Variants in VASN observed in about 807,000 individuals in gnomAD.
VASN encodes the protein vasorin, also known as protein slit-like 2.
VASN carries 5 observed loss-of-function variants against 4.8 expected under a neutral mutation model. That is an observed-to-expected ratio of 1.03 (90% CI 0.54 to 2.17). VASN has a LOEUF of 2.17. Ranked by LOEUF, VASN falls within the 30% of genes most tolerant of loss-of-function variation. VASN has a pLI of 0.01. For synonymous variants in VASN, 499 were observed against 460.8 expected, an observed-to-expected ratio of 1.08 and a Z score of -1.06; for missense variants, 927 against 948.8, an observed-to-expected ratio of 0.98 and a Z score of 0.30.
Position 4,381,801 on chromosome 16 carries a change from G to C in VASN, c.924G>C (p.Trp308Cys). ...NPFNCVCPLS[W>C]FGPWVRESHV... ...TCAACTGCGTGTGCCCCCTGAGCTG[G>C]TTTGGCCCCTGGGTGCGCGAGAGCC... Residue 308 changes from tryptophan to cysteine, a missense_variant, in exon 2 of 2, where the codon TGG (tryptophan) becomes TGC (cysteine). Transcript: ENST00000304735. 6.2e-7 allele frequency: 1 copy of C among 1,600,488 alleles called. No homozygotes were observed. Among genetic ancestry groups the C allele is most frequent in the Non-Finnish European group, 8.5e-7 (1 of 1,179,432 alleles).
chr16:4,380,484 T>C (rs1183750007), intron 1 of VASN, among the ~76,000 whole-genome samples: 1 of 152,196 alleles, frequency 6.6e-6, no homozygotes, highest in Non-Finnish European at 1.5e-5. Flanking sequence ...TGCCCCCTCT[T>C]CCAGACCCTG....
rs1372552592 is a variant in VASN at position 4,381,470 on chromosome 16, G to A, written c.593G>A (p.Arg198Gln). The A allele has an allele frequency of 7.6e-6, 12 of 1,581,896 alleles. No homozygotes were observed. Among genetic ancestry groups the A allele is most frequent in the Non-Finnish European group, 9.4e-6 (11 of 1,165,850 alleles). Reference sequence around the variant, plus strand: ...GACACTGCCAACGTGGAGGCGCTGCGGCTGGCTGGTCTGGGGCTGCAGCAG... The same window carrying A: ...GACACTGCCAACGTGGAGGCGCTGCAGCTGGCTGGTCTGGGGCTGCAGCAG... The part of the protein sequence containing the change: ...ILDTANVEAL[R>Q]LAGLGLQQLD... Residue 198 changes from arginine to glutamine, a missense_variant, in exon 2 of 2, where the codon CGG becomes CAG. Physicochemically the swap from Arg to Gln is conservative, Grantham distance 43. Coordinates refer to ENST00000304735, the MANE Select transcript of VASN (RefSeq NM_138440.3).
intron 1 of VASN, among the ~76,000 whole-genome samples, chr16:4,378,157 G>C (rs1177160550): frequency 6.6e-6 from 1 of 152,180 alleles, no homozygotes; most frequent in Non-Finnish European, 1.5e-5. Context: ...GACTCCACAT[G>C]CATCCCCCAC....
intron 1 of VASN, among the ~76,000 whole-genome samples, chr16:4,376,953 G>A (rs751181818): frequency 1.3e-5 from 2 of 152,166 alleles, no homozygotes; most frequent in African/African-American, 4.8e-5. Context: ...TATGAGTGAC[G>A]CCCTCCGCAG....
rs752822890 is a variant in VASN, at chr16:4,381,337, A to C, written c.460A>C (p.Lys154Gln). The change falls in exon 2 of 2, where the codon AAG becomes CAG. Residue 154 changes from lysine to glutamine, a missense_variant. By Grantham distance (53) the Lys-to-Gln change is moderately conservative. Coordinates refer to ENST00000304735, the MANE Select transcript of VASN (RefSeq NM_138440.3). ...CACGCTCGACCGCCTCCTGGAGCTC[A>C]AGCTGCAGGACAACGAGCTGCGGGC... ...FDTLDRLLEL[K>Q]LQDNELRALP... The C allele has an allele frequency of 1.2e-6, 2 of 1,609,060 alleles. No homozygotes were observed. The highest frequency in any genetic ancestry group is 2.2e-5 in the South Asian group (2 of 90,574).
At position 4,380,369 on chromosome 16, in the gene VASN, G is replaced by A. The variant is rs529872614; in HGVS notation, c.-9-500G>A. Reference sequence around the variant, plus strand: ...CATAGTTTCCATGTGAAGTCTTCCCGCTGCATTCCCTCCTCCAAGGAGGGC... The same window carrying A: ...CATAGTTTCCATGTGAAGTCTTCCCACTGCATTCCCTCCTCCAAGGAGGGC... On this transcript the variant is annotated intron_variant, in intron 1 of 1. Transcript: ENST00000304735. Among the ~76,000 whole-genome samples the A allele has an allele frequency of 5.9e-5, 9 of 152,344 alleles. No homozygotes were observed. In the South Asian group the frequency reaches 1.0e-3, roughly 18 times the overall value.
At position 4,376,286 on chromosome 16, in the gene VASN, C is replaced by T. The variant is rs541522593; in HGVS notation, c.-10+4293C>T. On this transcript the variant is annotated intron_variant, in intron 1 of 1. Transcript: ENST00000304735. ...ACACGTCAGCGAAACTGGAGCCAGC[C>T]GTCCTGGCCGCCGGCACAGTCCCGC... Among the ~76,000 whole-genome samples, 20 of 152,324 alleles carry T rather than the reference C, an allele frequency of 1.3e-4. 1 individual carries two copies. In the South Asian group the frequency reaches 3.5e-3, roughly 27 times the overall value.
In VASN at chr16:4,381,631, A is replaced by G. The variant is rs756841320; in HGVS notation, c.754A>G (p.Ile252Val). 2.5e-6 allele frequency: 4 copies of G among 1,600,206 alleles called. No individual in the cohort carries two copies. The highest frequency in any genetic ancestry group is 2.6e-6 in the Non-Finnish European group (3 of 1,174,106). ...TRLRLAGNTR[I>V]AQLRPEDLAG... ...CCTGCGGCTGGCCGGCAACACCCGC[A>G]TTGCCCAGCTGCGGCCCGAGGACCT... The change falls in exon 2 of 2, where the codon ATT (isoleucine) becomes GTT (valine). Residue 252 changes from isoleucine (I) to valine (V), a missense_variant. Physicochemically the swap from Ile to Val is conservative, Grantham distance 29. Transcript: ENST00000304735.
chr16:4,382,205 G>C lies in VASN; in HGVS notation c.1328G>C (p.Ser443Thr), dbSNP rs749124921. 1 of 1,603,034 alleles carries C rather than the reference G, an allele frequency of 6.2e-7. No homozygotes were observed. Among genetic ancestry groups the C allele is most frequent in the South Asian group, 1.1e-5 (1 of 89,744 alleles). The change falls in exon 2 of 2, where the codon AGC becomes ACC. Residue 443 changes from serine (S) to threonine (T), a missense_variant. Physicochemically the swap from Ser to Thr is moderately conservative, Grantham distance 58. Transcript: ENST00000304735. ...GGCTTCACGGGCCTGTACTGTGAGA[G>C]CCAGATGGGGCAGGGGACACGGCCC... The part of the protein sequence containing the change: ...PEGFTGLYCE[S>T]QMGQGTRPSP...
intron 1 of VASN, 121 bp from the exon 2 acceptor site, chr16:4,380,748 C>A: frequency 8.7e-7 from 1 of 1,152,854 alleles, no homozygotes; most frequent in Non-Finnish European, 1.2e-6. Context: ...TGACTCATAA[C>A]CATTGGGTTC....
intron 1 of VASN, among the ~76,000 whole-genome samples, chr16:4,377,099 C>T (rs1474793159): frequency 6.6e-6 from 1 of 152,180 alleles, no homozygotes; most frequent in Admixed American, 6.5e-5. Flanking sequence ...GCTGTGGACC[C>T]TGTCGCCCTA....
At chr16:4,376,269 G>T (rs2054726845) in intron 1 of VASN, among the ~76,000 whole-genome samples, 1 of 152,222 alleles carries the variant, frequency 6.6e-6, no homozygotes, top group African/African-American at 2.4e-5. Context: ...GGACACGTCA[G>T]CGAAACTGGA....
At chr16:4,378,882 AG>A (rs1567269587) in intron 1 of VASN, among the ~76,000 whole-genome samples, 1 of 151,966 alleles carries the variant, frequency 6.6e-6, no homozygotes, top group Non-Finnish European at 1.5e-5. Flanking sequence ...CTAACTGGCT[AG>A]GGGCTCAGGG....
Position 4,382,191 on chromosome 16 carries a change from C to T in VASN, c.1314C>T (p.Gly438=), listed in dbSNP as rs201053746. The T allele has an allele frequency of 3.7e-6, 6 of 1,601,100 alleles. No individual in the cohort carries two copies. The East Asian group carries it at 1.4e-4, about 36-fold the overall frequency. The change falls in exon 2 of 2, where the codon GGC becomes GGT. Residue 438 remains glycine (G), a synonymous_variant. Transcript: ENST00000304735. Reference sequence around the variant, plus strand: ...GCTTGTGCCCCGAAGGCTTCACGGGCCTGTACTGTGAGAGCCAGATGGGGC... The same window carrying T: ...GCTTGTGCCCCGAAGGCTTCACGGGTCTGTACTGTGAGAGCCAGATGGGGC... ...LACLCPEGFT[G]LYCESQMGQG...
Position 4,382,840 on chromosome 16 carries a change from C to G in VASN, c.1963C>G (p.Leu655Val). The change falls in exon 2 of 2, where the codon CTC (leucine) becomes GTC (valine). Residue 655 changes from leucine to valine, a missense_variant. Coordinates refer to ENST00000304735, the MANE Select transcript of VASN (RefSeq NM_138440.3). ...CAGCGGGTCTGAGTGTGAGGTGCCA[C>G]TCATGGGCTTCCCAGGGCCTGGCCT... ...LPSGSECEVP[L>V]MGFPGPGLQS... The G allele has an allele frequency of 6.3e-7, 1 of 1,595,144 alleles. No homozygotes were observed. Among genetic ancestry groups the G allele is most frequent in the Non-Finnish European group, 8.5e-7 (1 of 1,172,058 alleles).
At chr16:4,372,885 AC>A (rs1187025528) in intron 1 of VASN, among the ~76,000 whole-genome samples, 2 of 152,124 alleles carry the variant, frequency 1.3e-5, no homozygotes, top group Admixed American at 6.5e-5. Context: ...TGCCTTTTGC[AC>A]CAAGGACAGG....
chr16:4,376,242 G>A (rs953302669), intron 1 of VASN, among the ~76,000 whole-genome samples: 5 of 152,208 alleles, frequency 3.3e-5, no homozygotes, highest in African/African-American at 7.2e-5. Flanking sequence ...GGACCCAGCC[G>A]GGCCCTGAGC....
At chr16:4,376,665 C>G (rs1379966902) in intron 1 of VASN, among the ~76,000 whole-genome samples, 1 of 152,184 alleles carries the variant, frequency 6.6e-6, no homozygotes, top group African/African-American at 2.4e-5. Context: ...TGGTGTACCC[C>G]AGAGGTGGGT....
At chr16:4,380,296 C>T (rs527549198) in intron 1 of VASN, among the ~76,000 whole-genome samples, 2 of 152,326 alleles carry the variant, frequency 1.3e-5, no homozygotes, top group East Asian at 3.9e-4. Context: ...CGGCCCGCAG[C>T]CCCCAGCCTA....
Sources: allele counts gnomAD v4.1 joint callset (sites outside exome capture counted in the v4.1 genomes callset), GRCh38; gene constraint gnomAD v4.1.1; transcripts MANE v1.5; gene names NCBI Gene and HGNC (gene_info 2026-07-23, HGNC 2026-07-21).